XDH: variants seen among roughly 807,000 people sequenced by gnomAD.
The protein encoded by XDH is xanthine dehydrogenase.
Under a neutral mutation model 156.1 loss-of-function variants are expected in XDH, and 138 were observed. The observed-to-expected ratio is 0.88, with a 90% CI of 0.77 to 1.02. The LOEUF is 1.02. Ranked by LOEUF, XDH falls within the 50% of genes least tolerant of loss-of-function variation. The pLI is 0.00. For synonymous variants in XDH, 669 were observed against 625.7 expected (o/e 1.07, Z -1.03); for missense variants, 1,849 against 1,684.9 (o/e 1.10, Z -1.71).
chr2:31,397,957 G>C (rs1686954395), intron 5 of XDH, among the ~76,000 whole-genome samples: 1 of 152,196 alleles, frequency 6.6e-6, no homozygotes, highest in Non-Finnish European at 1.5e-5. Context: ...CCCAGACTGA[G>C]TCAGGTACCT....
In XDH at chr2:31,382,509, G is replaced by T. The variant is rs141256179; in HGVS notation, c.1038+492C>A. On this transcript the variant is annotated intron_variant, in intron 11 of 35. Coordinates refer to ENST00000379416, the MANE Select transcript of XDH (RefSeq NM_000379.4). ...ACCATTTGCAAACTGGGAATGTGGG[G>T]ACTTGTCTGAAGGCTGACTGAATAA... is the stretch of plus-strand genomic sequence containing the variant. Among the ~76,000 whole-genome samples the T allele has an allele frequency of 2.6e-5, 4 of 152,310 alleles. No homozygotes were observed. The East Asian group carries it at 7.7e-4, about 29-fold the overall frequency.
At chr2:31,406,020 C>A in intron 1 of XDH, 56 bp from the exon 2 acceptor site, 1 of 1,577,826 alleles carries the variant, frequency 6.3e-7, no homozygotes, top group Non-Finnish European at 8.7e-7. Flanking sequence ...CATCTTTCTG[C>A]AATTAATTTC....
At chr2:31,398,748 G>A (rs1234464571) in intron 4 of XDH, 49 bp from the exon 5 acceptor site, 1 of 1,610,722 alleles carries the variant, frequency 6.2e-7, no homozygotes, top group Non-Finnish European at 8.5e-7. Flanking sequence ...AACCCTCCCA[G>A]GCTCCCCAAA....
At chr2:31,359,192 T>C (rs1685709115) in intron 24 of XDH, among the ~76,000 whole-genome samples, 1 of 152,168 alleles carries the variant, frequency 6.6e-6, no homozygotes, top group African/African-American at 2.4e-5. Flanking sequence ...TTGATTGGAA[T>C]ATAAAATGGT....
intron 5 of XDH, among the ~76,000 whole-genome samples, chr2:31,397,943 A>G (rs533689972): frequency 6.6e-6 from 1 of 152,310 alleles, no homozygotes; most frequent in South Asian, 2.1e-4. Context: ...GCCTTCCTAG[A>G]ATGCCCAGAC....
intron 1 of XDH, among the ~76,000 whole-genome samples, chr2:31,410,469 A>G (rs1274753665): frequency 1.3e-5 from 2 of 152,224 alleles, no homozygotes; most frequent in African/African-American, 4.8e-5. Flanking sequence ...AAGAATTTGT[A>G]TCATTCCAAA....
intron 6 of XDH, among the ~76,000 whole-genome samples, chr2:31,393,788 A>T (rs1447661894): frequency 2.2e-5 from 3 of 135,370 alleles, no homozygotes; most frequent in Non-Finnish European, 3.1e-5. Flanking sequence ...TATCAATTAT[A>T]CTTCCTTTTT....
Position 31,335,672 on chromosome 2 carries a change from C to G in XDH, c.*286G>C, listed in dbSNP as rs1684953746. 1.9e-6 allele frequency: 1 copy of G among 521,622 alleles called. No individual in the cohort carries two copies. Among genetic ancestry groups the G allele is most frequent in the East Asian group, 3.5e-5 (1 of 28,426 alleles). The allele number at this position is 521,622 out of a possible 1,614,324, so 32.3% of individuals were successfully genotyped here. A position where few individuals can be genotyped will look rare whatever the true frequency, so the allele number is the denominator to read the frequency against. ...CCAGTAAGTGGGGAATAGCACAAAC[C>G]CTTCCCGACCCTATTCCAGATACAT... On this transcript the variant is annotated 3_prime_UTR_variant, in exon 36 of 36. Coordinates refer to ENST00000379416, the MANE Select transcript of XDH (RefSeq NM_000379.4).
In XDH at chr2:31,350,368, CTTTTTTTTTTTTTT is replaced by C. The variant is rs35646405; in HGVS notation, c.2632-159_2632-146del. ...CTCCCCCAGGATATTGCAGCAGCAT[CTTTTTTTTTTTTTT>C]TTTTTTTTTTTTTGAGATGGAGTCT... On this transcript the variant is annotated intron_variant, in intron 24 of 35. Transcript: ENST00000379416. The C allele has an allele frequency of 1.0e-3, 269 of 260,000 alleles. 2 individuals are homozygous for C. In the African/African-American group the frequency reaches 0.013, roughly 12 times the overall value. 16.1% of individuals were successfully genotyped at this position (260,000 alleles called of 1,614,324 possible).
chr2:31,376,288 A>G (rs1686242163), intron 14 of XDH, among the ~76,000 whole-genome samples: 1 of 150,622 alleles, frequency 6.6e-6, no homozygotes, highest in South Asian at 2.1e-4. Context: ...AGCAGTTGTC[A>G]TAGAATCAAC....
Position 31,337,754 on chromosome 2 carries a change from G to A in XDH, c.3838C>T (p.Arg1280Cys), listed in dbSNP as rs768083545. ...CCTGTGTGCTGAGCTCGAGCTGCAC[G>A]GATGGCATCTTTGATGGCAAAGAAG... ...SIFFAIKDAIRAARAQHTGNN... is the reference protein window; with the variant it reads ...SIFFAIKDAICAARAQHTGNN... Residue 1280 changes from arginine to cysteine, a missense_variant, in exon 35 of 36, where the codon CGT (arginine) becomes TGT (cysteine). Transcript: ENST00000379416. 1.1e-5 allele frequency: 17 copies of A among 1,614,098 alleles called. No homozygotes were observed. The highest frequency in any genetic ancestry group is 1.7e-5 in the Admixed American group (1 of 60,012).
At chr2:31,362,037 A>C (rs1450582883) in intron 24 of XDH, among the ~76,000 whole-genome samples, 1 of 137,730 alleles carries the variant, frequency 7.3e-6, no homozygotes, top group East Asian at 2.2e-4. Context: ...TAATGAGTAT[A>C]TACTTGCTCT....
At position 31,379,946 on chromosome 2, in the gene XDH, G is replaced by C; in HGVS notation, c.1163C>G (p.Thr388Ser). 6.2e-7 allele frequency: 1 copy of C among 1,614,116 alleles called. No individual in the cohort carries two copies. The highest frequency in any genetic ancestry group is 1.1e-5 in the South Asian group (1 of 91,082). Residue 388 changes from threonine (T) to serine (S), a missense_variant, in exon 13 of 36, where the codon ACC becomes AGC. By Grantham distance (58) the Thr-to-Ser change is moderately conservative (BLOSUM62 1). Transcript: ENST00000379416. ...GGTCTTTCTGTAGCCAGGGAAGAAGGTGTGGTCCATCTGGACAGTTCTCCT... is the reference window on the plus strand; with the variant it reads ...GGTCTTTCTGTAGCCAGGGAAGAAGCTGTGGTCCATCTGGACAGTTCTCCT... ...GTRRTVQMDH[T>S]FFPGYRKTLL... is the part of the protein sequence containing the mutation.
Position 31,403,028 on chromosome 2 carries a change from A to T in XDH, c.197+20T>A. The T allele has an allele frequency of 6.2e-7, 1 of 1,613,906 alleles. No homozygotes were observed. The highest frequency in any genetic ancestry group is 1.3e-5 in the African/African-American group (1 of 75,048). On this transcript the variant is annotated intron_variant, in intron 3 of 35. Transcript: ENST00000379416. ...CATCGCAGCCCCCATGTGGGTGGTC[A>T]GCCAGCAGGCAAAGGATACACGATC... is the stretch of plus-strand genomic sequence containing the variant.
chr2:31,347,712 T>G, intron 28 of XDH, 62 bp from the exon 29 acceptor site: 1 of 1,580,544 alleles, frequency 6.3e-7, no homozygotes, highest in Non-Finnish European at 8.6e-7. Context: ...GGCTGCCTTC[T>G]CCCCAAGACA....
rs770732415 is a variant in XDH, at chr2:31,337,671, G to A, written c.3921C>T (p.Arg1307=). The A allele has an allele frequency of 6.2e-7, 1 of 1,614,218 alleles. No individual in the cohort carries two copies. The highest frequency in any genetic ancestry group is 8.5e-7 in the Non-Finnish European group (1 of 1,180,044). ...TGGTGAACTTGTCCACGCAGGCATT[G>A]CGGATCTTCTCCGGGGTGGCAGGGC... ...LDSPATPEKI[R]NACVDKFTTL... The change falls in exon 35 of 36, where the codon CGC becomes CGT. Residue 1307 remains arginine (R), a synonymous_variant. Coordinates refer to ENST00000379416, the MANE Select transcript of XDH (RefSeq NM_000379.4).
chr2:31,373,401 G>C (rs550187331), intron 16 of XDH, among the ~76,000 whole-genome samples: 30 of 152,298 alleles, frequency 2.0e-4, no homozygotes, highest in Admixed American at 1.9e-3. Flanking sequence ...TCCTGTGGCT[G>C]CTTTTGTGCT....
chr2:31,357,389 G>T (rs1468463668), intron 24 of XDH, among the ~76,000 whole-genome samples: 4 of 152,040 alleles, frequency 2.6e-5, no homozygotes, highest in African/African-American at 9.7e-5. Flanking sequence ...TACCAAATCA[G>T]GATTGAAACA....
intron 8 of XDH, 112 bp downstream of exon 8, chr2:31,387,699 A>C (rs1221369297): frequency 9.5e-7 from 1 of 1,057,716 alleles, no homozygotes; most frequent in Non-Finnish European, 1.4e-6. Context: ...ATTTAAGCTG[A>C]AACATAAAGG....
Sources: gnomAD v4.1 joint callset for allele counts (sites outside exome capture counted in the v4.1 genomes callset) on GRCh38, gnomAD v4.1.1 for gene constraint, MANE v1.5 for transcripts, NCBI Gene and HGNC (gene_info 2026-07-23, HGNC 2026-07-21) for gene names.